Variants in CDH12 observed in about 807,000 individuals in gnomAD.
CDH12 encodes the protein cadherin-12.
CDH12 carries 41 observed loss-of-function variants against 74.1 expected under a neutral mutation model. That is an observed-to-expected ratio of 0.55 (90% CI 0.43 to 0.72). CDH12 has a LOEUF of 0.72. Ranked by LOEUF, CDH12 falls within the 30% of genes least tolerant of loss-of-function variation. The pLI is 0.00. For synonymous variants in CDH12, 399 were observed against 355.0 expected (o/e 1.12, Z -1.39); for missense variants, 945 against 977.2 (o/e 0.97, Z 0.44).
At chr5:22,304,963 C>T (rs1738039828) in intron 3 of CDH12, among the ~76,000 whole-genome samples, 2 of 152,046 alleles carry the variant, frequency 1.3e-5, no homozygotes, top group South Asian at 2.1e-4. Context: ...CTAGAAGGCC[C>T]CAAGGTGTGT....
At chr5:22,375,951 AC>A (rs1320080728) in intron 3 of CDH12, among the ~76,000 whole-genome samples, 7 of 152,200 alleles carry the variant, frequency 4.6e-5, no homozygotes, top group Admixed American at 6.5e-5. Context: ...CAGCAATCCT[AC>A]TACTAGGTTT....
intron 2 of CDH12, among the ~76,000 whole-genome samples, chr5:22,483,018 T>C (rs1176822776): frequency 6.6e-6 from 1 of 152,148 alleles, no homozygotes; most frequent in Non-Finnish European, 1.5e-5. Context: ...TTGGAAAGTA[T>C]ATAGGAAGAA....
chr5:22,821,259 C>A (rs1051727423), intron 1 of CDH12, among the ~76,000 whole-genome samples: 25 of 152,226 alleles, frequency 1.6e-4, no homozygotes, highest in Non-Finnish European at 2.6e-4. Flanking sequence ...CTATCTATGA[C>A]AAACCCACAG....
intron 4 of CDH12, among the ~76,000 whole-genome samples, chr5:22,108,085 A>G (rs1039756365): frequency 6.6e-6 from 1 of 152,166 alleles, no homozygotes; most frequent in East Asian, 1.9e-4. Context: ...CCAAATCTCA[A>G]TTTGAATTGT....
intron 1 of CDH12, among the ~76,000 whole-genome samples, chr5:22,557,338 A>G (rs1461575703): frequency 6.6e-6 from 1 of 152,132 alleles, no homozygotes; most frequent in Non-Finnish European, 1.5e-5. Context: ...TTTTCGTAAC[A>G]GATTGATTTA....
intron 1 of CDH12, among the ~76,000 whole-genome samples, chr5:22,828,231 G>A (rs1242194683): frequency 6.6e-6 from 1 of 152,106 alleles, no homozygotes. Context: ...GTGAATCTGA[G>A]AAGAAAGAAT....
intron 3 of CDH12, among the ~76,000 whole-genome samples, chr5:22,324,285 T>C (rs1738998455): frequency 6.6e-6 from 1 of 152,130 alleles, no homozygotes; most frequent in Non-Finnish European, 1.5e-5. Flanking sequence ...ATGGAATTTT[T>C]ATCTTATTGG....
intron 4 of CDH12, among the ~76,000 whole-genome samples, chr5:22,096,962 G>A (rs993913668): frequency 2.6e-5 from 4 of 152,122 alleles, no homozygotes; most frequent in Admixed American, 6.5e-5. Context: ...TAATAGAGTA[G>A]AGGCAGCCAA....
chr5:22,540,319 C>A (rs1371501848), intron 1 of CDH12, among the ~76,000 whole-genome samples: 2 of 151,914 alleles, frequency 1.3e-5, no homozygotes, highest in Non-Finnish European at 2.9e-5. Context: ...TACACAAAAT[C>A]ATAGAAGTTA....
chr5:22,270,865 A>T (rs1440578621), intron 3 of CDH12, among the ~76,000 whole-genome samples: 2 of 151,918 alleles, frequency 1.3e-5, no homozygotes, highest in South Asian at 4.2e-4. Flanking sequence ...TAGTACAGAT[A>T]GGGTTTCACC....
chr5:21,752,132 C>T lies in CDH12; in HGVS notation c.1990G>A (p.Gly664Arg). The T allele has an allele frequency of 6.2e-7, 1 of 1,614,108 alleles. No individual in the cohort carries two copies. Among genetic ancestry groups the T allele is most frequent in the Non-Finnish European group, 8.5e-7 (1 of 1,179,996 alleles). ...GCCTGGGTATCTTCCTCCCCACCTC[C>T]TTCATCATCGTAATGGATGACGTTG... Reference protein sequence around the residue: ...RDNVIHYDDEGGGEEDTQAFD... With the variant: ...RDNVIHYDDERGGEEDTQAFD... The change falls in exon 15 of 15, where the codon GGA (glycine) becomes AGA (arginine). Residue 664 changes from glycine to arginine, a missense_variant. This residue lies in a region of CDH12 where 791 missense variants were observed against 792.8 expected (regional missense o/e 1.00). Coordinates refer to ENST00000382254, the MANE Select transcript of CDH12 (RefSeq NM_004061.5).
intron 1 of CDH12, among the ~76,000 whole-genome samples, chr5:22,525,628 C>T (rs562464230): frequency 7.9e-5 from 12 of 152,222 alleles, no homozygotes; most frequent in Non-Finnish European, 1.0e-4. Context: ...GAATGTAACT[C>T]CCCACACCTC....
chr5:22,159,699 T>C (rs1748217487), intron 4 of CDH12, among the ~76,000 whole-genome samples: 1 of 152,222 alleles, frequency 6.6e-6, no homozygotes, highest in Admixed American at 6.5e-5. Context: ...TGTAGACAAA[T>C]GGCTTATCTA....
At chr5:21,872,855 T>C (rs999460374) in intron 6 of CDH12, among the ~76,000 whole-genome samples, 2 of 139,130 alleles carry the variant, frequency 1.4e-5, no homozygotes, top group Non-Finnish European at 3.1e-5. Flanking sequence ...TATCGATCTA[T>C]CATCTATCTA....
chr5:22,184,583 C>A (rs1249108831), intron 4 of CDH12, among the ~76,000 whole-genome samples: 1 of 152,132 alleles, frequency 6.6e-6, no homozygotes, highest in African/African-American at 2.4e-5. Flanking sequence ...TATGTATATG[C>A]ACGACAATGA....
intron 5 of CDH12, among the ~76,000 whole-genome samples, chr5:21,987,318 A>G (rs1371647820): frequency 6.6e-6 from 1 of 152,156 alleles, no homozygotes; most frequent in Non-Finnish European, 1.5e-5. Flanking sequence ...GTAAAATGTA[A>G]TACATTGGGA....
At chr5:22,722,331 C>A (rs1273153877) in intron 1 of CDH12, among the ~76,000 whole-genome samples, 1 of 152,196 alleles carries the variant, frequency 6.6e-6, no homozygotes, top group Non-Finnish European at 1.5e-5. Flanking sequence ...TATTGTCTAG[C>A]AAGTTACAAC....
intron 5 of CDH12, among the ~76,000 whole-genome samples, chr5:22,061,023 C>T (rs1424835478): frequency 2.6e-5 from 4 of 152,174 alleles, no homozygotes; most frequent in Non-Finnish European, 5.9e-5. Flanking sequence ...ACCCAAACAT[C>T]TCATGTCTTC....
At chr5:21,980,719 G>A (rs866797315) in intron 5 of CDH12, among the ~76,000 whole-genome samples, 6 of 152,060 alleles carry the variant, frequency 3.9e-5, no homozygotes, top group South Asian at 4.2e-4. Flanking sequence ...ATCAGAAAAC[G>A]GGGAAAATCA....
Sources: gnomAD v4.1 joint callset for allele counts (sites outside exome capture counted in the v4.1 genomes callset) on GRCh38, gnomAD v4.1.1 for gene constraint, gnomAD v4.1.1 regional missense constraint, MANE v1.5 for transcripts, NCBI Gene and HGNC (gene_info 2026-07-23, HGNC 2026-07-21) for gene names.